SLC14A2: variants seen among roughly 807,000 people sequenced by gnomAD.
SLC14A2 encodes the protein urea transporter 2.
In SLC14A2, 91 loss-of-function variants were observed where a neutral mutation model predicts 104.6. The ratio of observed to expected loss-of-function variants is 0.87; its 90% confidence interval spans 0.73 to 1.04. SLC14A2 has a LOEUF of 1.04. Among genes scored for constraint, SLC14A2 ranks in the 50% least tolerant of loss-of-function variants. The probability of loss-of-function intolerance (pLI) is 0.00; values close to 1 mark genes in which losing one functional copy is unlikely to be tolerated. For synonymous variants in SLC14A2, 476 were observed against 466.4 expected, an observed-to-expected ratio of 1.02 and a Z score of -0.27; for missense variants, 1,189 against 1,156.0, an observed-to-expected ratio of 1.03 and a Z score of -0.41.
chr18:45,345,092 C>T (rs1410838124), intron 1 of SLC14A2, among the ~76,000 whole-genome samples: 1 of 152,138 alleles, frequency 6.6e-6, no homozygotes, highest in African/African-American at 2.4e-5. Flanking sequence ...TGCCCAATTT[C>T]TCTGTGTTCC....
chr18:45,401,193 A>G (rs969255202), intron 1 of SLC14A2, among the ~76,000 whole-genome samples: 1 of 152,156 alleles, frequency 6.6e-6, no homozygotes, highest in African/African-American at 2.4e-5. Flanking sequence ...ATTTAAAATT[A>G]CAACCACTGA....
At chr18:45,554,694 C>T (rs1420192405) in intron 2 of SLC14A2, among the ~76,000 whole-genome samples, 1 of 151,998 alleles carries the variant, frequency 6.6e-6, no homozygotes, top group Non-Finnish European at 1.5e-5. Flanking sequence ...CCCTTCTGCC[C>T]AACATGGTGG....
chr18:45,278,546 C>G (rs1422973634), intron 1 of SLC14A2, among the ~76,000 whole-genome samples: 1 of 152,166 alleles, frequency 6.6e-6, no homozygotes, highest in Non-Finnish European at 1.5e-5. Context: ...ATCACAGGAT[C>G]ACTGTGATGG....
rs10531956 is a variant in SLC14A2, at chr18:45,430,541, G to GTTATT, written c.-124-52666_-124-52662dup. 4.2e-3 allele frequency among the ~76,000 whole-genome samples: 638 copies of GTTATT among 151,248 alleles called. 6 individuals are homozygous for GTTATT. Among genetic ancestry groups the GTTATT allele is most frequent in the African/African-American group, 0.013 (536 of 41,272 alleles). On this transcript the variant is annotated intron_variant, in intron 1 of 20. Transcript: ENST00000586448. ...GACTGGCTCTTTCTGTGGAAGGGAA[G>GTTATT]TTATTTTATTTTATTTTATTTTATT...
chr18:45,363,452 G>A lies in SLC14A2; in HGVS notation c.-124-119781G>A, dbSNP rs549399063. On this transcript the variant is annotated intron_variant, in intron 1 of 20. Transcript: ENST00000586448. ...CGCATGAACTTGGCAGCCTGGCCCC[G>A]AGAAACTTGGAGACAATGCCACTGG... 7.2e-5 allele frequency among the ~76,000 whole-genome samples: 11 copies of A among 152,226 alleles called. No homozygotes were observed. In the South Asian group the frequency reaches 1.5e-3, roughly 20 times the overall value.
chr18:45,435,851 T>A (rs1370122322), intron 1 of SLC14A2, among the ~76,000 whole-genome samples: 10 of 152,158 alleles, frequency 6.6e-5, no homozygotes, highest in Non-Finnish European at 1.3e-4. Context: ...TCCAAACTGG[T>A]TTCCATGGCT....
At chr18:45,180,168 C>A in the SLC14A2 span, among the ~76,000 whole-genome samples, 1 of 151,844 alleles carries the variant, frequency 6.6e-6, no homozygotes, top group Non-Finnish European at 1.5e-5. Flanking sequence ...AAAAAACAAA[C>A]AAACAAACAA....
At chr18:45,573,407 AAAT>A (rs755216523) in intron 2 of SLC14A2, among the ~76,000 whole-genome samples, 5 of 152,254 alleles carry the variant, frequency 3.3e-5, no homozygotes, top group Non-Finnish European at 7.3e-5. Context: ...TGTCATATGG[AAAT>A]AATAAGAAAT....
chr18:45,422,254 G>A (rs4890541), intron 1 of SLC14A2, among the ~76,000 whole-genome samples: 24,410 of 152,058 alleles, frequency 0.16, 2,847 homozygotes, highest in African/African-American at 0.3. Context: ...GTTTGCAGCA[G>A]CTATTACAGT....
intron 1 of SLC14A2, among the ~76,000 whole-genome samples, chr18:45,449,905 G>A (rs950470033): frequency 3.3e-5 from 5 of 152,148 alleles, no homozygotes; most frequent in African/African-American, 1.2e-4. Flanking sequence ...GCCTCATGCT[G>A]CAGAAGCCTC....
chr18:45,195,948 C>A, the SLC14A2 span, among the ~76,000 whole-genome samples: 1 of 152,054 alleles, frequency 6.6e-6, no homozygotes, highest in Non-Finnish European at 1.5e-5. Context: ...CCTCCCAAGC[C>A]AGAGTAGGCT....
intron 1 of SLC14A2, among the ~76,000 whole-genome samples, chr18:45,238,314 G>C (rs185856654): frequency 6.6e-6 from 1 of 152,286 alleles, no homozygotes; most frequent in East Asian, 1.9e-4. Flanking sequence ...AGACTAATAA[G>C]ACACAAAATG....
intron 1 of SLC14A2, among the ~76,000 whole-genome samples, chr18:45,295,604 T>G (rs2084911210): frequency 6.6e-6 from 1 of 152,170 alleles, no homozygotes; most frequent in African/African-American, 2.4e-5. Flanking sequence ...AGCACATTTC[T>G]CGGAAGCAAT....
chr18:45,461,311 A>C (rs1311020880), intron 1 of SLC14A2, among the ~76,000 whole-genome samples: 1 of 152,208 alleles, frequency 6.6e-6, no homozygotes, highest in Non-Finnish European at 1.5e-5. Flanking sequence ...CCTTTGCATT[A>C]GGGAACACTG....
intron 1 of SLC14A2, among the ~76,000 whole-genome samples, chr18:45,286,324 G>A (rs2084814280): frequency 6.6e-6 from 1 of 152,200 alleles, no homozygotes; most frequent in Non-Finnish European, 1.5e-5. Context: ...TGTGTCAAAT[G>A]TAGTCTCTGC....
At chr18:45,400,586 A>G (rs1300678690) in intron 1 of SLC14A2, among the ~76,000 whole-genome samples, 1 of 152,164 alleles carries the variant, frequency 6.6e-6, no homozygotes, top group Non-Finnish European at 1.5e-5. Flanking sequence ...TTTTCTGTGG[A>G]GATACTTTGA....
chr18:45,678,556 C>T (rs1465461523), intron 18 of SLC14A2, among the ~76,000 whole-genome samples: 1 of 152,224 alleles, frequency 6.6e-6, no homozygotes, highest in African/African-American at 2.4e-5. Context: ...CTTCCTCAAG[C>T]TTTCAGAACG....
intron 1 of SLC14A2, among the ~76,000 whole-genome samples, chr18:45,474,861 T>C (rs2087327516): frequency 6.6e-6 from 1 of 152,166 alleles, no homozygotes. Flanking sequence ...GAAGGGTTTT[T>C]TGTGTCTCTA....
chr18:45,439,246 T>A (rs2086644974), intron 1 of SLC14A2, among the ~76,000 whole-genome samples: 1 of 152,124 alleles, frequency 6.6e-6, no homozygotes, highest in Non-Finnish European at 1.5e-5. Context: ...ACCACTGTAC[T>A]CCAGCCTGGG....
Sources: gnomAD v4.1 joint callset for allele counts (sites outside exome capture counted in the v4.1 genomes callset) on GRCh38, gnomAD v4.1.1 for gene constraint, MANE v1.5 for transcripts, NCBI Gene and HGNC (gene_info 2026-07-23, HGNC 2026-07-21) for gene names.